Variants in PLXDC1 observed in about 807,000 individuals in gnomAD.
PLXDC1 encodes plexin domain containing 1.
Under a neutral mutation model 61.3 loss-of-function variants are expected in PLXDC1, and 39 were observed. That is an observed-to-expected ratio of 0.64 (90% CI 0.49 to 0.83). The LOEUF is 0.83. Among genes scored for constraint, PLXDC1 ranks in the 40% least tolerant of loss-of-function variants. The pLI, the probability that PLXDC1 is intolerant of heterozygous loss-of-function variation, is 0.00. For missense variants in PLXDC1, 596 were observed against 666.5 expected (o/e 0.89, Z 1.17); for synonymous variants, 212 against 254.5 (o/e 0.83, Z 1.59).
chr17:39,086,697 A>G (rs935955501), intron 8 of PLXDC1, among the ~76,000 whole-genome samples: 5 of 151,692 alleles, frequency 3.3e-5, no homozygotes, highest in Non-Finnish European at 5.9e-5. Flanking sequence ...CCCTATTTCT[A>G]TTAAAAATAC....
At chr17:39,085,700 G>A (rs1188740361) in intron 8 of PLXDC1, among the ~76,000 whole-genome samples, 1 of 152,150 alleles carries the variant, frequency 6.6e-6, no homozygotes, top group East Asian at 1.9e-4. Context: ...CGATGGCTTG[G>A]AGATAAGCCA....
intron 7 of PLXDC1, among the ~76,000 whole-genome samples, chr17:39,093,083 G>GTTTTT (rs1454444044): frequency 6.6e-6 from 1 of 152,084 alleles, no homozygotes; most frequent in Admixed American, 6.6e-5. Context: ...GTTTTGTTTT[G>GTTTTT]TTCGAGACAG....
chr17:39,093,714 TTAAAATA>T (rs1236360137), intron 7 of PLXDC1, among the ~76,000 whole-genome samples: 3 of 83,302 alleles, frequency 3.6e-5, no homozygotes, highest in African/African-American at 2.2e-4. Flanking sequence ...AGACTCCGTC[TTAAAATA>T]TATATATATA....
At chr17:39,121,560 C>T (rs942647370) in intron 2 of PLXDC1, among the ~76,000 whole-genome samples, 2 of 152,182 alleles carry the variant, frequency 1.3e-5, no homozygotes, top group Admixed American at 6.5e-5. Context: ...GGGGATACTT[C>T]CCAACTGCCA....
chr17:39,115,154 G>A (rs1598203392), intron 2 of PLXDC1, among the ~76,000 whole-genome samples: 2 of 151,656 alleles, frequency 1.3e-5, no homozygotes, highest in South Asian at 4.2e-4. Context: ...GATGATCCCT[G>A]GACTCATTCT....
intron 2 of PLXDC1, among the ~76,000 whole-genome samples, chr17:39,120,912 C>CT (rs1411014089): frequency 6.6e-6 from 1 of 152,076 alleles, no homozygotes; most frequent in Non-Finnish European, 1.5e-5. Flanking sequence ...CATGCGCCAT[C>CT]ACGCGCAGCT....
At chr17:39,087,518 A>G in intron 8 of PLXDC1, 89 bp downstream of exon 8, 1 of 1,035,916 alleles carries the variant, frequency 9.7e-7, no homozygotes, top group East Asian at 2.4e-5. Context: ...TGGCTGCACA[A>G]AACAGGAGTC....
rs1414526870 is a variant in PLXDC1 at position 39,139,738 on chromosome 17, C to T, written c.171G>A (p.Glu57=). 6.8e-6 allele frequency: 11 copies of T among 1,613,990 alleles called. No individual in the cohort carries two copies. The highest frequency in any genetic ancestry group is 9.3e-6 in the Non-Finnish European group (11 of 1,180,046). The change falls in exon 2 of 14, where the codon GAG becomes GAA. Residue 57 remains glutamate, a synonymous_variant. Transcript: ENST00000315392. ...CCTGGCTCAGCTGGGTCCTGTCCGG[C>T]TCTGACACATGCCCAGGGCTCTCTC... ...RARESPGHVS[E]PDRTQLSQDL...
chr17:39,132,268 A>G (rs2143878784), intron 2 of PLXDC1, among the ~76,000 whole-genome samples: 1 of 152,194 alleles, frequency 6.6e-6, no homozygotes, highest in South Asian at 2.1e-4. Flanking sequence ...CTCTTTGAGA[A>G]TAAATTGTGG....
intron 1 of PLXDC1, among the ~76,000 whole-genome samples, chr17:39,147,777 ACTCAGT>A (rs1336364993): frequency 2.6e-5 from 4 of 152,006 alleles, no homozygotes; most frequent in African/African-American, 9.7e-5. Context: ...TGATATACTC[ACTCAGT>A]CACTCACTCA....
In PLXDC1 at chr17:39,128,117, A is replaced by ATATATATATATATATATG. The variant is rs1419979117; in HGVS notation, c.255+11536_255+11537insCATATATATATATATATA. Among the ~76,000 whole-genome samples, 139 of 96,356 alleles carry ATATATATATATATATATG rather than the reference A, an allele frequency of 1.4e-3. 6 individuals carry two copies. The highest frequency in any genetic ancestry group is 6.0e-3 in the East Asian group (17 of 2,848). The allele number at this position is 96,356 out of a possible 152,430, so 63.2% of individuals were successfully genotyped here. A position where few individuals can be genotyped will look rare whatever the true frequency, so the allele number is the denominator to read the frequency against. ...TATGTGTATATATATATATATATGT[A>ATATATATATATATATATG]TATATATATGTGTATATATATGTAT... On this transcript the variant is annotated intron_variant, in intron 2 of 13. Transcript: ENST00000315392.
chr17:39,096,745 C>G (rs1028888109), intron 7 of PLXDC1: 1 of 357,850 alleles, frequency 2.8e-6, no homozygotes, highest in Non-Finnish European at 5.6e-6. Flanking sequence ...ATTCAGAATC[C>G]CTGTCAGTTT....
intron 2 of PLXDC1, among the ~76,000 whole-genome samples, chr17:39,119,442 G>T (rs9905133): frequency 0.34 from 51,374 of 152,014 alleles, 9,128 homozygotes; most frequent in African/African-American, 0.45. Flanking sequence ...ACAATTATTT[G>T]TCAATTAAAA....
rs1368616792 is a variant in PLXDC1 at position 39,067,937 on chromosome 17, G to A, written c.1406C>T (p.Ala469Val). 7 of 1,614,022 alleles carry A rather than the reference G, an allele frequency of 4.3e-6. No homozygotes were observed. The East Asian group carries it at 1.6e-4, about 36-fold the overall frequency. The change falls in exon 14 of 14, where the codon GCC becomes GTC. Residue 469 changes from alanine to valine, a missense_variant. Coordinates refer to ENST00000315392, the MANE Select transcript of PLXDC1 (RefSeq NM_020405.5). The part of the protein sequence containing the change: ...FIERRPHHWP[A>V]MKFRSHPDHS... ...GTCAGGGTGGCTGCGAAACTTCATG[G>A]CTGGCCAGTGGTGAGGTCTACGCTG...
At chr17:39,075,578 C>T (rs1179031088) in intron 11 of PLXDC1, among the ~76,000 whole-genome samples, 1 of 152,178 alleles carries the variant, frequency 6.6e-6, no homozygotes, top group Non-Finnish European at 1.5e-5. Context: ...CTTTATAAAA[C>T]AGGGATATAA....
In PLXDC1 at chr17:39,128,115, G is replaced by GTA. The variant is rs1274872433; in HGVS notation, c.255+11537_255+11538dup. On this transcript the variant is annotated intron_variant, in intron 2 of 13. Transcript: ENST00000315392. ...TCTATGTGTATATATATATATATAT[G>GTA]TATATATATATGTGTATATATATGT... Among the ~76,000 whole-genome samples, 38 of 34,640 alleles carry GTA rather than the reference G, an allele frequency of 1.1e-3. 5 individuals are homozygous for GTA. Among genetic ancestry groups the GTA allele is most frequent in the African/African-American group, 1.9e-3 (23 of 11,864 alleles). 22.7% of individuals were successfully genotyped at this position (34,640 alleles called of 152,430 possible).
intron 11 of PLXDC1, among the ~76,000 whole-genome samples, chr17:39,076,030 A>T (rs1909314608): frequency 1.4e-5 from 2 of 143,736 alleles, no homozygotes; most frequent in South Asian, 4.6e-4. Context: ...GTGAGCTGGG[A>T]TTGTACCACT....
chr17:39,078,196 A>G, intron 10 of PLXDC1, 148 bp from the exon 11 acceptor site: 1 of 794,534 alleles, frequency 1.3e-6, no homozygotes, highest in Non-Finnish European at 1.9e-6. Flanking sequence ...TTAAATAAAT[A>G]GAGCAAATCT....
At position 39,078,026 on chromosome 17, in the gene PLXDC1, T is replaced by G; in HGVS notation, c.1073A>C (p.Asp358Ala). 6.2e-7 allele frequency: 1 copy of G among 1,610,184 alleles called. No homozygotes were observed. The highest frequency in any genetic ancestry group is 8.5e-7 in the Non-Finnish European group (1 of 1,177,922). Reference sequence around the variant, plus strand: ...TGAGTCGTGGTCCTCATCCTGGAAGTCCTCGCACATCCTGCCCTCTGCCTG... The same window carrying G: ...TGAGTCGTGGTCCTCATCCTGGAAGGCCTCGCACATCCTGCCCTCTGCCTG... ...AQEAEGRMCE[D>A]FQDEDHDSAS... Residue 358 changes from aspartate to alanine, a missense_variant, in exon 11 of 14, where the codon GAC becomes GCC. Transcript: ENST00000315392.
Sources: allele counts gnomAD v4.1 joint callset (sites outside exome capture counted in the v4.1 genomes callset), GRCh38; gene constraint gnomAD v4.1.1; transcripts MANE v1.5; gene names NCBI Gene and HGNC (gene_info 2026-07-23, HGNC 2026-07-21).